Variants in EYS observed in about 807,000 individuals in gnomAD.
The protein encoded by EYS is protein eyes shut homolog.
A neutral mutation model predicts 282.1 loss-of-function variants in EYS; 250 were observed. That is an observed-to-expected ratio of 0.89 (90% CI 0.80 to 0.98). EYS has a LOEUF of 0.98. Ranked by LOEUF, EYS falls within the 50% of genes least tolerant of loss-of-function variation. The pLI, the probability that EYS is intolerant of heterozygous loss-of-function variation, is 0.00. For synonymous variants in EYS, 1,355 were observed against 1,282.9 expected (o/e 1.06, Z -1.20); for missense variants, 4,016 against 3,709.0 (o/e 1.08, Z -2.15).
At chr6:64,532,435 C>A (rs909938476) in intron 26 of EYS, among the ~76,000 whole-genome samples, 7 of 152,096 alleles carry the variant, frequency 4.6e-5, no homozygotes, top group African/African-American at 1.7e-4. Context: ...CTAGGCCGGG[C>A]GCGGTGGCTC....
At chr6:65,399,219 T>G (rs1766403156) in intron 7 of EYS, among the ~76,000 whole-genome samples, 1 of 152,054 alleles carries the variant, frequency 6.6e-6, no homozygotes, top group African/African-American at 2.4e-5. Flanking sequence ...GAAAAGAGCT[T>G]TTTTTCTTTT....
intron 26 of EYS, among the ~76,000 whole-genome samples, chr6:64,582,607 A>G (rs1019028805): frequency 9.6e-6 from 1 of 104,116 alleles, no homozygotes; most frequent in East Asian, 2.5e-4. Flanking sequence ...TTTGCTTGCT[A>G]TTTTTCCAAG....
At chr6:65,141,649 GTCTATCTATCTATCTA>G (rs66790325) in intron 12 of EYS, among the ~76,000 whole-genome samples, 147 of 131,324 alleles carry the variant, frequency 1.1e-3, no homozygotes, top group Non-Finnish European at 1.6e-3. Context: ...CTGTCTGTCT[GTCTATCTATCTATCTA>G]TCTATCTATC....
At chr6:65,207,782 C>G (rs983089068) in intron 12 of EYS, among the ~76,000 whole-genome samples, 6 of 151,616 alleles carry the variant, frequency 4.0e-5, no homozygotes, top group African/African-American at 1.4e-4. Context: ...AGGGAAAGGA[C>G]TCCCCATTTA....
chr6:63,959,360 C>A (rs1010419253), intron 35 of EYS, among the ~76,000 whole-genome samples: 3 of 152,082 alleles, frequency 2.0e-5, no homozygotes, highest in African/African-American at 7.2e-5. Context: ...AGTCAAGAAA[C>A]AATAGATGCT....
intron 8 of EYS, among the ~76,000 whole-genome samples, chr6:65,359,313 C>A (rs1412234259): frequency 6.6e-6 from 1 of 152,002 alleles, no homozygotes; most frequent in Non-Finnish European, 1.5e-5. Context: ...ATATTCATAA[C>A]AATTTTATAA....
chr6:65,087,765 T>C (rs1016135524), intron 12 of EYS, among the ~76,000 whole-genome samples: 3 of 152,212 alleles, frequency 2.0e-5, no homozygotes, highest in Non-Finnish European at 4.4e-5. Flanking sequence ...TTTGTGATTT[T>C]CTGATCACAT....
intron 2 of EYS, among the ~76,000 whole-genome samples, chr6:65,526,481 A>G (rs1767568172): frequency 6.6e-6 from 1 of 152,170 alleles, no homozygotes; most frequent in East Asian, 1.9e-4. Context: ...GTAGCTAGCA[A>G]ACATTTGGAA....
At position 63,788,107 on chromosome 6, in the gene EYS, T is replaced by G. The variant is rs1353713143; in HGVS notation, c.7721A>C (p.Gln2574Pro). ...TATAAAAAATGTCCATGCCTTACCT[T>G]GAAAACCATTTTTAAAATCTGCTCC... ...PNGADFKNGF[Q>P]GCIFTLQVRT... Residue 2574 changes from glutamine to proline, a missense_variant and splice_region_variant, in exon 39 of 43, where the codon CAA becomes CCA. Coordinates refer to ENST00000503581, the MANE Select transcript of EYS (RefSeq NM_001142800.2). 2.6e-6 allele frequency: 4 copies of G among 1,534,374 alleles called. No homozygotes were observed. Among genetic ancestry groups the G allele is most frequent in the Non-Finnish European group, 3.5e-6 (4 of 1,142,502 alleles).
At chr6:64,960,963 C>T (rs1345841068) in intron 14 of EYS, among the ~76,000 whole-genome samples, 1 of 152,136 alleles carries the variant, frequency 6.6e-6, no homozygotes, top group Non-Finnish European at 1.5e-5. Context: ...CAGCTCCATC[C>T]ATATCCCTGC....
At chr6:65,519,708 A>ATATATATATATATATTTTT (rs1554205854) in intron 2 of EYS, among the ~76,000 whole-genome samples, 1 of 42,560 alleles carries the variant, frequency 2.3e-5, no homozygotes, top group African/African-American at 1.3e-4. Flanking sequence ...ATATATATAT[A>ATATATATATATATATTTTT]TTTTTTTTTT....
intron 35 of EYS, among the ~76,000 whole-genome samples, chr6:63,884,113 G>T (rs748235497): frequency 1.3e-5 from 2 of 152,150 alleles, no homozygotes; most frequent in Non-Finnish European, 2.9e-5. Context: ...TAGAACAATG[G>T]CTGTCATATA....
At chr6:65,619,399 A>G (rs1160940849) in intron 2 of EYS, among the ~76,000 whole-genome samples, 1 of 152,120 alleles carries the variant, frequency 6.6e-6, no homozygotes, top group Non-Finnish European at 1.5e-5. Context: ...TTGTACATTG[A>G]TCTTGTATCC....
At chr6:64,736,223 C>T (rs781651546) in intron 22 of EYS, among the ~76,000 whole-genome samples, 72 of 152,030 alleles carry the variant, frequency 4.7e-4, no homozygotes, top group Non-Finnish European at 7.1e-4. Flanking sequence ...CTTTTCATTA[C>T]ATGTTTTAAG....
chr6:64,790,169 G>T (rs947170753), intron 22 of EYS, among the ~76,000 whole-genome samples: 9 of 151,872 alleles, frequency 5.9e-5, no homozygotes, highest in African/African-American at 2.4e-5. Context: ...GAAAAGAATA[G>T]GCTGTATGTT....
chr6:65,314,236 C>T (rs1299141840), intron 11 of EYS, among the ~76,000 whole-genome samples: 3 of 151,004 alleles, frequency 2.0e-5, no homozygotes, highest in African/African-American at 7.3e-5. Flanking sequence ...CGAAACCCCC[C>T]CTCCACAATT....
At chr6:64,843,486 A>G (rs543127621) in intron 19 of EYS, among the ~76,000 whole-genome samples, 31 of 152,212 alleles carry the variant, frequency 2.0e-4, no homozygotes, top group Non-Finnish European at 4.3e-4. Flanking sequence ...CCTGGATGTG[A>G]GACATGGAGT....
intron 35 of EYS, among the ~76,000 whole-genome samples, chr6:63,969,145 TC>T (rs1451177979): frequency 2.0e-5 from 3 of 152,222 alleles, no homozygotes; most frequent in Admixed American, 6.5e-5. Context: ...GGTATCCTCA[TC>T]CCCCCCTTAA....
intron 2 of EYS, among the ~76,000 whole-genome samples, chr6:65,570,495 T>C (rs1449941306): frequency 6.6e-5 from 10 of 152,172 alleles, no homozygotes; most frequent in African/African-American, 2.4e-4. Flanking sequence ...TACTATCTAC[T>C]TCACCCACTG....
Sources: allele counts gnomAD v4.1 joint callset (sites outside exome capture counted in the v4.1 genomes callset), GRCh38; gene constraint gnomAD v4.1.1; transcripts MANE v1.5; gene names NCBI Gene and HGNC (gene_info 2026-07-23, HGNC 2026-07-21).